Variants in CTNNA2 observed in about 807,000 individuals in gnomAD.
CTNNA2 encodes the protein catenin alpha 2.
In CTNNA2, 42 loss-of-function variants were observed where a neutral mutation model predicts 101.0. The observed-to-expected ratio is 0.42, with a 90% confidence interval of 0.32 to 0.54. The LOEUF (loss-of-function observed/expected upper bound fraction) is 0.54. Ranked by LOEUF, CTNNA2 falls within the 20% of genes least tolerant of loss-of-function variation. The pLI is 0.14. For synonymous variants in CTNNA2, 450 were observed against 456.4 expected (o/e 0.99, Z 0.18); for missense variants, 871 against 1,223.1 (o/e 0.71, Z 4.29).
At chr2:79,440,945 C>T (rs59891229) in intron 4 of CTNNA2, among the ~76,000 whole-genome samples, 1 of 152,160 alleles carries the variant, frequency 6.6e-6, no homozygotes, top group African/African-American at 2.4e-5. Context: ...ATGTTTTCCA[C>T]TTTGCCAAAA....
At chr2:80,269,283 A>G (rs1673263764) in intron 7 of CTNNA2, among the ~76,000 whole-genome samples, 1 of 152,076 alleles carries the variant, frequency 6.6e-6, no homozygotes, top group Non-Finnish European at 1.5e-5. Context: ...TGCTCACAAG[A>G]TTGGATGGTT....
chr2:80,554,321 C>CT (rs1358972491), intron 11 of CTNNA2, among the ~76,000 whole-genome samples: 1 of 152,028 alleles, frequency 6.6e-6, no homozygotes, highest in Non-Finnish European at 1.5e-5. Context: ...TATTTATGAA[C>CT]TATTGGTTGG....
At chr2:79,530,179 C>G (rs762784710) in intron 1 of CTNNA2, among the ~76,000 whole-genome samples, 1 of 152,124 alleles carries the variant, frequency 6.6e-6, no homozygotes, top group Non-Finnish European at 1.5e-5. Flanking sequence ...TATTTTACTA[C>G]ACGAATCAAT....
chr2:80,275,412 A>G (rs927582921), intron 7 of CTNNA2, among the ~76,000 whole-genome samples: 2 of 152,230 alleles, frequency 1.3e-5, no homozygotes, highest in African/African-American at 4.8e-5. Flanking sequence ...AATGGCTTTT[A>G]TGATTTAATT....
intron 7 of CTNNA2, among the ~76,000 whole-genome samples, chr2:80,251,212 A>T (rs1671739703): frequency 6.6e-6 from 1 of 152,164 alleles, no homozygotes; most frequent in South Asian, 2.1e-4. Flanking sequence ...CATCTAGTCC[A>T]TGTGCCAACT....
intron 7 of CTNNA2, among the ~76,000 whole-genome samples, chr2:80,345,752 A>G (rs1210267787): frequency 1.3e-5 from 2 of 152,166 alleles, no homozygotes; most frequent in South Asian, 2.1e-4. Flanking sequence ...AATCTATGGA[A>G]ACTTTTTTTT....
intron 7 of CTNNA2, among the ~76,000 whole-genome samples, chr2:80,154,979 A>C (rs1228281316): frequency 1.3e-5 from 2 of 152,238 alleles, no homozygotes; most frequent in African/African-American, 4.8e-5. Flanking sequence ...TGTTGAGATA[A>C]ATAACACTTC....
chr2:80,184,158 A>T (rs1341421700), intron 7 of CTNNA2, among the ~76,000 whole-genome samples: 3 of 152,236 alleles, frequency 2.0e-5, no homozygotes, highest in Non-Finnish European at 2.9e-5. Context: ...TGATGACAGC[A>T]TCATAAGAAA....
rs184701909 is a variant in CTNNA2 at position 80,176,222 on chromosome 2, G to T, written c.1057-216989G>T. Among the ~76,000 whole-genome samples the T allele has an allele frequency of 2.6e-5, 4 of 152,252 alleles. No homozygotes were observed. The East Asian group carries it at 7.7e-4, about 29-fold the overall frequency. On this transcript the variant is annotated intron_variant, in intron 7 of 18. Coordinates refer to ENST00000402739, the MANE Select transcript of CTNNA2 (RefSeq NM_001282597.3). ...AAGACAATAATAAGGTCATAATTATGCCTAACATAATATAGCTATCCTTTG... is the reference window on the plus strand; with the variant it reads ...AAGACAATAATAAGGTCATAATTATTCCTAACATAATATAGCTATCCTTTG...
At chr2:79,335,204 G>A (rs1326584182) in intron 3 of CTNNA2, among the ~76,000 whole-genome samples, 1 of 152,076 alleles carries the variant, frequency 6.6e-6, no homozygotes, top group South Asian at 2.1e-4. Context: ...TTCTTCAGGG[G>A]CCCCCAGTTA....
At chr2:80,262,182 C>T (rs1285296799) in intron 7 of CTNNA2, among the ~76,000 whole-genome samples, 1 of 151,820 alleles carries the variant, frequency 6.6e-6, no homozygotes, top group Non-Finnish European at 1.5e-5. Flanking sequence ...ATATGAAGAT[C>T]TCCAGATGTA....
chr2:79,524,274 A>C (rs1672278287), intron 1 of CTNNA2, among the ~76,000 whole-genome samples: 1 of 151,932 alleles, frequency 6.6e-6, no homozygotes, highest in Admixed American at 6.6e-5. Context: ...TTCTTTATAG[A>C]AGGAAATATT....
At chr2:79,977,074 A>G (rs1162237423) in intron 7 of CTNNA2, among the ~76,000 whole-genome samples, 2 of 152,216 alleles carry the variant, frequency 1.3e-5, no homozygotes, top group African/African-American at 4.8e-5. Flanking sequence ...TGTTCTACAT[A>G]TATTTAAAAT....
chr2:79,633,945 T>A (rs1237456352), intron 1 of CTNNA2: 4 of 152,282 alleles, frequency 2.6e-5, no homozygotes. Flanking sequence ...TCATAAATAG[T>A]TAGTATAGAA....
intron 3 of CTNNA2, among the ~76,000 whole-genome samples, chr2:79,340,850 A>AAAG (rs1553401525): frequency 2.7e-5 from 4 of 147,100 alleles, no homozygotes; most frequent in African/African-American, 1.0e-4. Flanking sequence ...AAAAAAAAAA[A>AAAG]AAAAGAAAAG....
chr2:79,858,124 T>A lies in CTNNA2; in HGVS notation c.410T>A (p.Leu137Ter). Residue 137 changes from leucine (L) to a stop codon, truncating the protein, a stop_gained, in exon 4 of 19, where the codon TTA becomes TAA. Transcript: ENST00000402739. LOFTEE classifies it high-confidence loss of function. ...ARALLSAVTR[L>*]LILADMADVM... Reference sequence around the variant, plus strand: ...GCTTTGCTCTCCGCGGTGACACGCTTACTCATCCTGGCGGACATGGCAGAT... The same window carrying A: ...GCTTTGCTCTCCGCGGTGACACGCTAACTCATCCTGGCGGACATGGCAGAT... 1 of 1,614,062 alleles carries A rather than the reference T, an allele frequency of 6.2e-7. No homozygotes were observed. The highest frequency in any genetic ancestry group is 8.5e-7 in the Non-Finnish European group (1 of 1,179,924).
intron 3 of CTNNA2, among the ~76,000 whole-genome samples, chr2:79,330,676 G>T (rs537838112): frequency 2.6e-5 from 4 of 152,236 alleles, no homozygotes; most frequent in Admixed American, 2.6e-4. Context: ...TGTGCTGTTC[G>T]CATGATAGTG....
intron 9 of CTNNA2, among the ~76,000 whole-genome samples, chr2:80,493,534 C>G (rs1475020977): frequency 1.3e-5 from 2 of 152,186 alleles, no homozygotes; most frequent in African/African-American, 4.8e-5. Context: ...TGGACACTCA[C>G]TAGCAGAATT....
intron 7 of CTNNA2, among the ~76,000 whole-genome samples, chr2:80,142,034 T>TGAGGG (rs1233083921): frequency 1.3e-5 from 2 of 152,114 alleles, no homozygotes; most frequent in Non-Finnish European, 2.9e-5. Context: ...AATTTCTTCC[T>TGAGGG]GAGGGGCCTG....
Sources: gnomAD v4.1 joint callset for allele counts (sites outside exome capture counted in the v4.1 genomes callset) on GRCh38, gnomAD v4.1.1 for gene constraint, MANE v1.5 for transcripts, NCBI Gene and HGNC (gene_info 2026-07-23, HGNC 2026-07-21) for gene names.